The following TMEM132C variants were observed in gnomAD, a reference collection of about 807,000 sequenced individuals.
TMEM132C encodes transmembrane protein 132C.
Under a neutral mutation model 61.4 loss-of-function variants are expected in TMEM132C, and 29 were observed. The ratio of observed to expected loss-of-function variants is 0.47; its 90% confidence interval spans 0.35 to 0.64. The LOEUF (loss-of-function observed/expected upper bound fraction) is 0.64. Among genes scored for constraint, TMEM132C ranks in the 30% least tolerant of loss-of-function variants. The pLI, the probability that TMEM132C is intolerant of heterozygous loss-of-function variation, is 0.00. For missense variants in TMEM132C, 1,408 were observed against 1,476.9 expected, an observed-to-expected ratio of 0.95 and a Z score of 0.76; for synonymous variants, 656 against 633.1, an observed-to-expected ratio of 1.04 and a Z score of -0.54.
At chr12:128,342,048 G>A (rs7961292) in intron 1 of TMEM132C, among the ~76,000 whole-genome samples, 4,461 of 149,586 alleles carry the variant, frequency 0.03, 240 homozygotes, top group African/African-American at 0.1. Context: ...TCGCTCTGTC[G>A]CCTATGCTGG....
intron 1 of TMEM132C, among the ~76,000 whole-genome samples, chr12:128,411,141 A>G (rs1188528763): frequency 6.6e-6 from 1 of 152,146 alleles, no homozygotes; most frequent in Non-Finnish European, 1.5e-5. Flanking sequence ...TGGTGATGTC[A>G]ATTTTGGTCA....
chr12:128,506,002 G>A (rs1358979342), intron 2 of TMEM132C, among the ~76,000 whole-genome samples: 1 of 152,188 alleles, frequency 6.6e-6, no homozygotes, highest in African/African-American at 2.4e-5. Context: ...CCAGACCATG[G>A]CGGCATAAAT....
intron 1 of TMEM132C, among the ~76,000 whole-genome samples, chr12:128,296,702 T>C (rs1451260504): frequency 6.6e-6 from 1 of 152,198 alleles, no homozygotes; most frequent in African/African-American, 2.4e-5. Flanking sequence ...CTCCGTCAGG[T>C]TCATGACTGT....
At chr12:128,343,091 G>A (rs747358077) in intron 1 of TMEM132C, among the ~76,000 whole-genome samples, 9 of 152,154 alleles carry the variant, frequency 5.9e-5, no homozygotes, top group Non-Finnish European at 8.8e-5. Context: ...GTTGGGGAAC[G>A]TTTAAGGCAA....
intron 5 of TMEM132C, among the ~76,000 whole-genome samples, chr12:128,670,681 A>G (rs181574711): frequency 6.6e-6 from 1 of 152,328 alleles, no homozygotes. Flanking sequence ...ATCCCTTGAT[A>G]GACCATCAGT....
At chr12:128,424,601 A>G (rs147307541) in intron 2 of TMEM132C, among the ~76,000 whole-genome samples, 16 of 152,298 alleles carry the variant, frequency 1.1e-4, no homozygotes, top group Middle Eastern at 3.4e-3. Context: ...GTGATTGCCA[A>G]TGGGTTTGGG....
At chr12:128,313,093 G>A (rs529885910) in intron 1 of TMEM132C, among the ~76,000 whole-genome samples, 23 of 152,314 alleles carry the variant, frequency 1.5e-4, no homozygotes, top group Non-Finnish European at 2.2e-4. Flanking sequence ...GGCAGCCTCC[G>A]GCCTGCAAGG....
At chr12:128,287,718 C>T (rs1042031684) in intron 1 of TMEM132C, among the ~76,000 whole-genome samples, 21 of 152,136 alleles carry the variant, frequency 1.4e-4, no homozygotes, top group African/African-American at 5.1e-4. Context: ...CCAGTTATTC[C>T]ATTACTGTTA....
intron 2 of TMEM132C, among the ~76,000 whole-genome samples, chr12:128,510,850 C>A (rs1413851017): frequency 2.6e-5 from 4 of 152,238 alleles, no homozygotes; most frequent in African/African-American, 4.8e-5. Flanking sequence ...ATGGAACCTT[C>A]TCTTAGTGCC....
chr12:128,531,597 G>A (rs947240075), intron 2 of TMEM132C, among the ~76,000 whole-genome samples: 8 of 152,178 alleles, frequency 5.3e-5, no homozygotes, highest in Non-Finnish European at 8.8e-5. Context: ...ACACACACAG[G>A]CACATACCTG....
At position 128,705,436 on chromosome 12, in the gene TMEM132C, A is replaced by G. The variant is rs1419603602; in HGVS notation, c.2468A>G (p.Asp823Gly). ...EEDEIKNHAS[D>G]RRQKGQHHER... ...GATGAGATCAAGAACCACGCCAGCGACCGCCGGCAGAAGGGCCAGCACCAT... is the reference window on the plus strand; with the variant it reads ...GATGAGATCAAGAACCACGCCAGCGGCCGCCGGCAGAAGGGCCAGCACCAT... The change falls in exon 9 of 9, where the codon GAC (aspartate) becomes GGC (glycine). Residue 823 changes from aspartate to glycine, a missense_variant. Physicochemically the swap from Asp to Gly is moderately conservative, Grantham distance 94. Coordinates refer to ENST00000435159, the MANE Select transcript of TMEM132C (RefSeq NM_001136103.3). 1 of 1,550,964 alleles carries G rather than the reference A, an allele frequency of 6.4e-7. No individual in the cohort carries two copies. Among genetic ancestry groups the G allele is most frequent in the Non-Finnish European group, 8.7e-7 (1 of 1,146,962 alleles).
At chr12:128,323,842 G>A (rs1262585402) in intron 1 of TMEM132C, among the ~76,000 whole-genome samples, 3 of 152,142 alleles carry the variant, frequency 2.0e-5, no homozygotes, top group Non-Finnish European at 2.9e-5. Context: ...CTGAAACACT[G>A]CACGCTGGGG....
In TMEM132C at chr12:128,669,402, G is replaced by T; in HGVS notation, c.1306-15G>T. 2.6e-6 allele frequency: 4 copies of T among 1,551,388 alleles called. No homozygotes were observed. The highest frequency in any genetic ancestry group is 3.5e-6 in the Non-Finnish European group (4 of 1,146,862). The stretch of plus-strand genomic sequence containing the variant: ...ATATCTCCCTTGACCCAGTGTGTTT[G>T]ATTCTTTTTGGCAGGACACTGAAAT... On this transcript the variant is annotated splice_polypyrimidine_tract_variant and intron_variant, in intron 4 of 8. Transcript: ENST00000435159.
intron 2 of TMEM132C, among the ~76,000 whole-genome samples, chr12:128,436,288 A>G (rs1019287021): frequency 6.6e-6 from 1 of 152,258 alleles, no homozygotes; most frequent in Non-Finnish European, 1.5e-5. Context: ...CAAAAGCCAA[A>G]ATAGACAAAT....
chr12:128,472,708 A>G (rs559225164), intron 2 of TMEM132C, among the ~76,000 whole-genome samples: 1 of 152,344 alleles, frequency 6.6e-6, no homozygotes, highest in African/African-American at 2.4e-5. Context: ...TCTGTGGCAA[A>G]GGACCTCAAA....
intron 3 of TMEM132C, among the ~76,000 whole-genome samples, chr12:128,604,285 T>C (rs578156930): frequency 2.6e-5 from 4 of 152,094 alleles, no homozygotes; most frequent in African/African-American, 9.6e-5. Context: ...ATTAATTGAT[T>C]GGTAGATAGA....
chr12:128,327,197 A>C (rs1427708611), intron 1 of TMEM132C, among the ~76,000 whole-genome samples: 1 of 149,952 alleles, frequency 6.7e-6, no homozygotes, highest in East Asian at 1.9e-4. Flanking sequence ...CAAACAAGAA[A>C]ATATCAGTTG....
At chr12:128,306,535 G>A (rs1871790993) in intron 1 of TMEM132C, among the ~76,000 whole-genome samples, 1 of 152,162 alleles carries the variant, frequency 6.6e-6, no homozygotes. Flanking sequence ...GTAATTTGGG[G>A]GTTTCTGCTT....
chr12:128,706,433 GT>G lies in TMEM132C; in HGVS notation c.*139del. 1 of 1,159,594 alleles carries G rather than the reference GT, an allele frequency of 8.6e-7. No homozygotes were observed. Among genetic ancestry groups the G allele is most frequent in the Non-Finnish European group, 1.1e-6 (1 of 875,562 alleles). The allele number at this position is 1,159,594 out of a possible 1,614,324, so 71.8% of individuals were successfully genotyped here. A position where few individuals can be genotyped will look rare whatever the true frequency, so the allele number is the denominator to read the frequency against. ...GCTAGACCAGTTGGAAAGTTTTGAA[GT>G]CAGGAAAAGACGTTTTTGTATCAAG... On this transcript the variant is annotated 3_prime_UTR_variant, in exon 9 of 9. Coordinates refer to ENST00000435159, the MANE Select transcript of TMEM132C (RefSeq NM_001136103.3).
Sources: allele counts gnomAD v4.1 joint callset (sites outside exome capture counted in the v4.1 genomes callset), GRCh38; gene constraint gnomAD v4.1.1; transcripts MANE v1.5; gene names NCBI Gene and HGNC (gene_info 2026-07-23, HGNC 2026-07-21).